Variants in KSR1 observed in about 807,000 individuals in gnomAD.
KSR1 encodes kinase suppressor of ras 1.
In KSR1, 35 loss-of-function variants were observed where a neutral mutation model predicts 92.9. The ratio of observed to expected loss-of-function variants is 0.38; its 90% confidence interval spans 0.29 to 0.50. The LOEUF is 0.50. KSR1 is among the 20% of genes least tolerant of loss of function. The pLI is 0.94. For missense variants in KSR1, 972 were observed against 1,158.5 expected (o/e 0.84, Z 2.34); for synonymous variants, 467 against 472.6 (o/e 0.99, Z 0.15).
At chr17:27,601,128 A>G (rs760366482) in intron 10 of KSR1, among the ~76,000 whole-genome samples, 27 of 152,168 alleles carry the variant, frequency 1.8e-4, no homozygotes, top group Non-Finnish European at 3.5e-4. Flanking sequence ...GGAATGCCCA[A>G]TCCTCCAGTG....
chr17:27,617,926 T>C (rs142750882), intron 19 of KSR1, among the ~76,000 whole-genome samples: 29 of 152,278 alleles, frequency 1.9e-4, no homozygotes, highest in Admixed American at 3.9e-4. Flanking sequence ...TTACCACATT[T>C]ATTTTGGAGA....
chr17:27,604,609 G>T, intron 12 of KSR1, 71 bp from the exon 13 acceptor site: 1 of 1,464,366 alleles, frequency 6.8e-7, no homozygotes, highest in Non-Finnish European at 9.6e-7. Flanking sequence ...GATCTCTCCC[G>T]GGAGTCCCCG....
intron 2 of KSR1, among the ~76,000 whole-genome samples, chr17:27,558,886 A>T (rs1194125208): frequency 6.6e-6 from 1 of 151,894 alleles, no homozygotes; most frequent in Non-Finnish European, 1.5e-5. Context: ...CCCTTCAGTC[A>T]CTTTGAGTTC....
chr17:27,528,693 G>A (rs1024771769), intron 1 of KSR1, among the ~76,000 whole-genome samples: 28 of 152,226 alleles, frequency 1.8e-4, no homozygotes, highest in African/African-American at 3.9e-4. Context: ...GAGCCCAGGA[G>A]CTTGAGACCA....
At chr17:27,561,769 T>G (rs2071839077) in intron 2 of KSR1, among the ~76,000 whole-genome samples, 2 of 152,222 alleles carry the variant, frequency 1.3e-5, no homozygotes, top group Non-Finnish European at 2.9e-5. Context: ...GGGTGGGGGT[T>G]CCCCTGGTTT....
In KSR1 at chr17:27,577,320, G is replaced by A. The variant is rs1262681374; in HGVS notation, c.373-172G>A. 7.0e-6 allele frequency: 4 copies of A among 570,536 alleles called. No individual in the cohort carries two copies. The highest frequency in any genetic ancestry group is 6.3e-5 in the East Asian group (2 of 31,808). The allele number at this position is 570,536 out of a possible 1,614,324, so 35.3% of individuals were successfully genotyped here. On this transcript the variant is annotated intron_variant, in intron 2 of 20. Coordinates refer to ENST00000644974, the MANE Select transcript of KSR1 (RefSeq NM_001394583.1). The surrounding 1 kb of genome is among the most constrained non-coding windows in gnomAD (Gnocchi z 4.5). ...GCTGCTGTCTCTGGGAGCCTGGAGG[G>A]TGGGGGCCAGGGAGCTCTGCTTGTG...
chr17:27,619,581 A>G (rs1472469917), intron 19 of KSR1, among the ~76,000 whole-genome samples: 1 of 151,404 alleles, frequency 6.6e-6, no homozygotes, highest in Non-Finnish European at 1.5e-5. Flanking sequence ...TATTTTTAGT[A>G]GAGATGGGGT....
chr17:27,565,533 C>G (rs1278993400), intron 2 of KSR1, among the ~76,000 whole-genome samples: 3 of 152,214 alleles, frequency 2.0e-5, no homozygotes, highest in Non-Finnish European at 4.4e-5. Context: ...CAAGCAATCC[C>G]CCTACCTTAG....
At chr17:27,548,712 T>A (rs2071279869) in intron 1 of KSR1, among the ~76,000 whole-genome samples, 1 of 152,000 alleles carries the variant, frequency 6.6e-6, no homozygotes, top group African/African-American at 2.4e-5. Flanking sequence ...CGCCTATACT[T>A]CCAACTACTT....
In KSR1 at chr17:27,582,635, T is replaced by G; in HGVS notation, c.521-11T>G. 6.3e-7 allele frequency: 1 copy of G among 1,597,682 alleles called. No individual in the cohort carries two copies. Among genetic ancestry groups the G allele is most frequent in the Non-Finnish European group, 8.6e-7 (1 of 1,169,558 alleles). ...CCCTGACCATCTGTGACTCCACGTCTTGGTCCACAGGAGGGGAGCACAAGG... is the reference window on the plus strand; with the variant it reads ...CCCTGACCATCTGTGACTCCACGTCGTGGTCCACAGGAGGGGAGCACAAGG... On this transcript the variant is annotated splice_polypyrimidine_tract_variant and intron_variant, in intron 3 of 20. Transcript: ENST00000644974.
intron 1 of KSR1, among the ~76,000 whole-genome samples, chr17:27,533,825 T>G (rs930386169): frequency 5.9e-5 from 9 of 152,256 alleles, no homozygotes; most frequent in Admixed American, 5.9e-4. Flanking sequence ...TGGAGTTAGC[T>G]GTCATTGTCT....
chr17:27,461,494 G>A (rs1446150074), intron 1 of KSR1, among the ~76,000 whole-genome samples: 2 of 152,212 alleles, frequency 1.3e-5, no homozygotes, highest in Admixed American at 6.5e-5. Context: ...AAAGTGTGGC[G>A]TTTCTCTGCT....
In KSR1 at chr17:27,623,813, T is replaced by A; in HGVS notation, c.*421T>A. On this transcript the variant is annotated 3_prime_UTR_variant, in exon 21 of 21. Coordinates refer to ENST00000644974, the MANE Select transcript of KSR1 (RefSeq NM_001394583.1). ...CAAACATGGTAATTGCAGCTGTTCT[T>A]GGGGTAGGGCGGGGAGCCCAGAAGG... The A allele has an allele frequency of 1.9e-6, 1 of 536,552 alleles. No homozygotes were observed. The highest frequency in any genetic ancestry group is 2.8e-5 in the South Asian group (1 of 35,216). The allele number at this position is 536,552 out of a possible 1,614,324, so 33.2% of individuals were successfully genotyped here.
intron 2 of KSR1, among the ~76,000 whole-genome samples, chr17:27,571,425 C>G (rs920965534): frequency 6.6e-6 from 1 of 152,198 alleles, no homozygotes; most frequent in Non-Finnish European, 1.5e-5. Context: ...ACATGTGGCT[C>G]CCAGCCTGGG....
Position 27,509,527 on chromosome 17 carries a change from G to A in KSR1, c.232-41041G>A, listed in dbSNP as rs773384048. Among the ~76,000 whole-genome samples, 89 of 151,594 alleles carry A rather than the reference G, an allele frequency of 5.9e-4. 1 individual carries two copies. The highest frequency in any genetic ancestry group is 1.7e-3 in the South Asian group (8 of 4,724). On this transcript the variant is annotated intron_variant, in intron 1 of 20. Coordinates refer to ENST00000644974, the MANE Select transcript of KSR1 (RefSeq NM_001394583.1). ...GATGGTCTTGATCTCCTGACCTCGTGATCTGCCCACCTCGGCCTCCCAAAG... is the reference window on the plus strand; with the variant it reads ...GATGGTCTTGATCTCCTGACCTCGTAATCTGCCCACCTCGGCCTCCCAAAG...
intron 1 of KSR1, among the ~76,000 whole-genome samples, chr17:27,498,057 C>T (rs764817618): frequency 5.9e-5 from 9 of 152,120 alleles, no homozygotes; most frequent in Non-Finnish European, 1.0e-4. Context: ...AGGCTGGGAG[C>T]GGTGGCTTAT....
chr17:27,560,488 A>T (rs772310701), intron 2 of KSR1: 1 of 518,962 alleles, frequency 1.9e-6, no homozygotes, highest in Admixed American at 1.9e-5. Flanking sequence ...TCCTGACTGG[A>T]CATGTTTCTC....
rs375500593 is a variant in KSR1 at position 27,503,741 on chromosome 17, CTT to C, written c.232-46824_232-46823del. On this transcript the variant is annotated intron_variant, in intron 1 of 20. Coordinates refer to ENST00000644974, the MANE Select transcript of KSR1 (RefSeq NM_001394583.1). ...GAAACATGACATTAAAGTGGGGAAA[CTT>C]TTAGTGCTCATGTGATTTGCCACAT... is the stretch of plus-strand genomic sequence containing the variant. Among the ~76,000 whole-genome samples, 11 of 152,240 alleles carry C rather than the reference CTT, an allele frequency of 7.2e-5. No individual in the cohort carries two copies. In the East Asian group the frequency reaches 2.1e-3, roughly 29 times the overall value.
chr17:27,457,723 G>A (rs2150892168), intron 1 of KSR1, among the ~76,000 whole-genome samples: 1 of 152,304 alleles, frequency 6.6e-6, no homozygotes, highest in Admixed American at 6.5e-5. Context: ...ATACACAAAT[G>A]AGGGCAACTA....
Sources: gnomAD v4.1 joint callset for allele counts (sites outside exome capture counted in the v4.1 genomes callset) on GRCh38, gnomAD v4.1.1 for gene constraint, Gnocchi (gnomAD v3.1) non-coding constraint, MANE v1.5 for transcripts, NCBI Gene and HGNC (gene_info 2026-07-23, HGNC 2026-07-21) for gene names.